FRAS1: variants seen among roughly 807,000 people sequenced by gnomAD.
FRAS1 encodes Fraser extracellular matrix complex subunit 1, also known as extracellular matrix organizing protein FRAS1.
Under a neutral mutation model 435.2 loss-of-function variants are expected in FRAS1, and 290 were observed. That is an observed-to-expected ratio of 0.67 (90% CI 0.61 to 0.73). The LOEUF (loss-of-function observed/expected upper bound fraction) is 0.73. Among genes scored for constraint, FRAS1 ranks in the 30% least tolerant of loss-of-function variants. The pLI, the probability that FRAS1 is intolerant of heterozygous loss-of-function variation, is 0.00. For missense variants in FRAS1, 4,860 were observed against 5,001.5 expected, an observed-to-expected ratio of 0.97 and a Z score of 0.85; for synonymous variants, 1,800 against 1,851.0, an observed-to-expected ratio of 0.97 and a Z score of 0.71.
intron 32 of FRAS1, among the ~76,000 whole-genome samples, chr4:78,416,633 A>G (rs1343757291): frequency 6.6e-6 from 1 of 152,106 alleles, no homozygotes; most frequent in African/African-American, 2.4e-5. Context: ...GGTGTGCTGG[A>G]GCAGAGTGAG....
intron 15 of FRAS1, 54 bp from the exon 16 acceptor site, chr4:78,315,540 T>C: frequency 1.3e-6 from 2 of 1,545,330 alleles, no homozygotes; most frequent in Admixed American, 2.0e-5. Context: ...TAGACTTCAC[T>C]GCTTCTTTTG....
chr4:78,425,312 C>T (rs1733956214), intron 35 of FRAS1, among the ~76,000 whole-genome samples: 1 of 152,078 alleles, frequency 6.6e-6, no homozygotes, highest in Non-Finnish European at 1.5e-5. Context: ...CCTCTGCTTT[C>T]CTAGTTTTAG....
chr4:78,363,726 C>A, intron 21 of FRAS1, 61 bp downstream of exon 21: 1 of 1,524,338 alleles, frequency 6.6e-7, no homozygotes, highest in Non-Finnish European at 8.9e-7. Context: ...GGGGCAGTAG[C>A]TGGGAAGGAT....
At position 78,252,372 on chromosome 4, in the gene FRAS1, T is replaced by C. The variant is rs78458392; in HGVS notation, c.310-20T>C. 2 of 1,601,266 alleles carry C rather than the reference T, an allele frequency of 1.2e-6. No individual in the cohort carries two copies. The highest frequency in any genetic ancestry group is 1.7e-5 in the Admixed American group (1 of 57,670). On this transcript the variant is annotated intron_variant, in intron 4 of 73. Coordinates refer to ENST00000512123, the MANE Select transcript of FRAS1 (RefSeq NM_025074.7). Reference sequence around the variant, plus strand: ...GTTTTGGCACTAACCTTTTTTTTTTTCTGTCTCCCTAACACACAGCATGGG... The same window carrying C: ...GTTTTGGCACTAACCTTTTTTTTTTCCTGTCTCCCTAACACACAGCATGGG...
rs1719031822 is a variant in FRAS1, at chr4:78,451,851, C to T, written c.6543C>T (p.Gly2181=). Residue 2181 remains glycine, a synonymous_variant, in exon 46 of 74, where the codon GGC becomes GGT. Transcript: ENST00000512123. ...AFKFDVVDGE[G]NRLIDKSFSI... ...AATTTGATGTGGTTGATGGAGAAGG[C>T]AACAGATTGATTGACAAGTCATTTT... 6.2e-7 allele frequency: 1 copy of T among 1,612,928 alleles called. No homozygotes were observed. The highest frequency in any genetic ancestry group is 8.5e-7 in the Non-Finnish European group (1 of 1,179,412).
chr4:78,403,491 C>G (rs1732981440), intron 30 of FRAS1, among the ~76,000 whole-genome samples: 1 of 152,152 alleles, frequency 6.6e-6, no homozygotes, highest in Admixed American at 6.5e-5. Context: ...CCACTTAGCA[C>G]AAATCTGCTT....
chr4:78,334,847 C>T (rs1448263965), intron 19 of FRAS1, among the ~76,000 whole-genome samples: 2 of 152,024 alleles, frequency 1.3e-5, no homozygotes, highest in Non-Finnish European at 2.9e-5. Context: ...CAGCCTTGAA[C>T]TCCTGGGCTC....
At chr4:78,279,763 A>G (rs549019075) in intron 10 of FRAS1, among the ~76,000 whole-genome samples, 1 of 152,288 alleles carries the variant, frequency 6.6e-6, no homozygotes, top group East Asian at 1.9e-4. Flanking sequence ...TAAATTCATT[A>G]TGTTTTTAAA....
rs1725462994 is a variant in FRAS1 at position 78,250,098 on chromosome 4, TA to T, written c.310-2293del. ...AGACATTAATTTTGACTTTAAGATATATAAATGACTCATTAGATATTTTAAA... is the reference window on the plus strand; with the variant it reads ...AGACATTAATTTTGACTTTAAGATATTAAATGACTCATTAGATATTTTAAA... On this transcript the variant is annotated intron_variant, in intron 4 of 73. Coordinates refer to ENST00000512123, the MANE Select transcript of FRAS1 (RefSeq NM_025074.7). Among the ~76,000 whole-genome samples, 9 of 152,198 alleles carry T rather than the reference TA, an allele frequency of 5.9e-5. No homozygotes were observed. In the South Asian group the frequency reaches 1.9e-3, roughly 32 times the overall value.
intron 35 of FRAS1, among the ~76,000 whole-genome samples, chr4:78,428,653 T>G (rs11737586): frequency 1.3e-5 from 2 of 152,040 alleles, no homozygotes; most frequent in African/African-American, 4.8e-5. Flanking sequence ...AGACATAGAC[T>G]TGCCACTTCT....
At position 78,130,038 on chromosome 4, in the gene FRAS1, G is replaced by A. The variant is rs150897274; in HGVS notation, c.108+64022G>A. The stretch of plus-strand genomic sequence containing the variant: ...CTTACTGTGTCTGACTGGCAGCTCT[G>A]ATTGATCTTCAAACAAAACTTTGCC... On this transcript the variant is annotated intron_variant, in intron 2 of 73. Coordinates refer to ENST00000512123, the MANE Select transcript of FRAS1 (RefSeq NM_025074.7). Among the ~76,000 whole-genome samples the A allele has an allele frequency of 5.3e-5, 8 of 152,208 alleles. No individual in the cohort carries two copies. The East Asian group carries it at 1.5e-3, about 29-fold the overall frequency.
chr4:78,297,956 A>C (rs1327973205), intron 14 of FRAS1, among the ~76,000 whole-genome samples: 1 of 150,444 alleles, frequency 6.6e-6, no homozygotes, highest in Non-Finnish European at 1.5e-5. Context: ...CTTGCCACTC[A>C]AGGGAAAATG....
At chr4:78,377,429 C>T (rs1045741478) in intron 26 of FRAS1, among the ~76,000 whole-genome samples, 3 of 152,064 alleles carry the variant, frequency 2.0e-5, no homozygotes, top group African/African-American at 4.8e-5. Context: ...CGAAGTAGTC[C>T]CACTGAAACT....
At chr4:78,266,062 A>G (rs1032117543) in intron 7 of FRAS1, among the ~76,000 whole-genome samples, 1 of 152,196 alleles carries the variant, frequency 6.6e-6, no homozygotes, top group African/African-American at 2.4e-5. Context: ...CTGTAATGGC[A>G]TCTTCAACTA....
intron 2 of FRAS1, among the ~76,000 whole-genome samples, chr4:78,118,706 G>A (rs1267161951): frequency 6.6e-6 from 1 of 152,130 alleles, no homozygotes; most frequent in East Asian, 1.9e-4. Context: ...GATTTTCCAG[G>A]TGCTGTCTGT....
rs774373319 is a variant in FRAS1, at chr4:78,421,871, G to A, written c.4549G>A (p.Glu1517Lys). Reference protein sequence around the residue: ...LPLHPNQGIIEHRDHPHSPIR... With the variant: ...LPLHPNQGIIKHRDHPHSPIR... ...AAATCTCTTCCTCCCAGGTATCATC[G>A]AGCACCGGGACCACCCTCACTCTCC... is the stretch of plus-strand genomic sequence containing the variant. The change falls in exon 34 of 74, where the codon GAG (glutamate) becomes AAG (lysine). Residue 1517 changes from glutamate (E) to lysine (K), a missense_variant. Physicochemically the swap from Glu to Lys is moderately conservative, Grantham distance 56. Transcript: ENST00000512123. 3.1e-6 allele frequency: 5 copies of A among 1,613,584 alleles called. No individual in the cohort carries two copies. The highest frequency in any genetic ancestry group is 2.2e-5 in the East Asian group (1 of 44,870).
intron 35 of FRAS1, among the ~76,000 whole-genome samples, chr4:78,428,002 T>G (rs1338244994): frequency 1.3e-5 from 2 of 152,196 alleles, no homozygotes; most frequent in Non-Finnish European, 2.9e-5. Flanking sequence ...GCAGTTTTCT[T>G]AAAGACCACT....
intron 20 of FRAS1, among the ~76,000 whole-genome samples, chr4:78,362,366 G>T (rs1361474284): frequency 1.3e-5 from 2 of 152,236 alleles, no homozygotes; most frequent in Admixed American, 1.3e-4. Flanking sequence ...TTCTCAGCTT[G>T]TTTGCCGGAC....
intron 58 of FRAS1, among the ~76,000 whole-genome samples, chr4:78,487,456 G>A (rs1720205486): frequency 1.3e-5 from 2 of 152,064 alleles, no homozygotes; most frequent in African/African-American, 4.8e-5. Context: ...CTGGGTTGGT[G>A]GGGTGTGTCC....
Sources: allele counts gnomAD v4.1 joint callset (sites outside exome capture counted in the v4.1 genomes callset), GRCh38; gene constraint gnomAD v4.1.1; transcripts MANE v1.5; gene names NCBI Gene and HGNC (gene_info 2026-07-23, HGNC 2026-07-21).